Variants in FBXL4 observed in about 807,000 individuals in gnomAD.
FBXL4 encodes the protein F-box/LRR-repeat protein 4.
In FBXL4, 40 loss-of-function variants were observed where a neutral mutation model predicts 58.9. The observed-to-expected ratio is 0.68, with a 90% CI of 0.53 to 0.88. The LOEUF is 0.88. Ranked by LOEUF, FBXL4 falls within the 40% of genes least tolerant of loss-of-function variation. FBXL4 has a pLI of 0.00. For synonymous variants in FBXL4, 263 were observed against 265.5 expected, an observed-to-expected ratio of 0.99 and a Z score of 0.09; for missense variants, 676 against 734.4, an observed-to-expected ratio of 0.92 and a Z score of 0.92.
intron 7 of FBXL4, chr6:98,898,721 A>G (rs1771494675): frequency 1.0e-6 from 1 of 984,160 alleles, no homozygotes; most frequent in Admixed American, 6.1e-5. Context: ...AGATTATGGT[A>G]TAACATACAC....
At chr6:98,935,195 T>G (rs922537740) in intron 1 of FBXL4, among the ~76,000 whole-genome samples, 2 of 152,148 alleles carry the variant, frequency 1.3e-5, no homozygotes, top group Non-Finnish European at 2.9e-5. Flanking sequence ...ATATCTAAAC[T>G]TCTGAAATAT....
chr6:98,947,540 C>A (rs1043307973), intron 1 of FBXL4, among the ~76,000 whole-genome samples: 1 of 152,234 alleles, frequency 6.6e-6, no homozygotes, highest in Non-Finnish European at 1.5e-5. Flanking sequence ...CGAACGACGC[C>A]TCACAGCCTG....
At chr6:98,902,068 T>G (rs1336207669) in intron 6 of FBXL4, among the ~76,000 whole-genome samples, 1 of 152,168 alleles carries the variant, frequency 6.6e-6, no homozygotes, top group African/African-American at 2.4e-5. Context: ...AGCAATTTAC[T>G]AAATGGTAAC....
intron 6 of FBXL4, among the ~76,000 whole-genome samples, chr6:98,899,798 A>T: frequency 6.6e-6 from 1 of 152,078 alleles, no homozygotes; most frequent in Non-Finnish European, 1.5e-5. Context: ...TAAAGCCAAA[A>T]AACAAAAACA....
At chr6:98,913,283 C>T (rs559104736) in intron 5 of FBXL4, among the ~76,000 whole-genome samples, 10,663 of 151,648 alleles carry the variant, frequency 0.07, 554 homozygotes, top group East Asian at 0.27. Context: ...AGAAAGTTAA[C>T]AAGGATACCC....
chr6:98,898,554 G>A (rs1771488187), intron 7 of FBXL4: 2 of 904,662 alleles, frequency 2.2e-6, no homozygotes, highest in Non-Finnish European at 2.6e-6. Flanking sequence ...TCAGTGAGCT[G>A]AGACCATGCC....
chr6:98,947,327 C>T (rs556620810), intron 1 of FBXL4, among the ~76,000 whole-genome samples: 81 of 152,348 alleles, frequency 5.3e-4, no homozygotes, highest in Middle Eastern at 6.8e-3. Flanking sequence ...GCTGGGCACC[C>T]TGTAGCAGTC....
intron 5 of FBXL4, among the ~76,000 whole-genome samples, chr6:98,915,076 C>T (rs1465386487): frequency 1.3e-5 from 2 of 152,068 alleles, no homozygotes; most frequent in African/African-American, 4.8e-5. Flanking sequence ...ACAATTGCTT[C>T]AAAGAGAATA....
intron 1 of FBXL4, among the ~76,000 whole-genome samples, chr6:98,941,310 A>T (rs1366880268): frequency 1.3e-5 from 2 of 152,200 alleles, no homozygotes; most frequent in Non-Finnish European, 2.9e-5. Flanking sequence ...CAGAGGTCTG[A>T]TGCAAAAACT....
intron 7 of FBXL4, chr6:98,897,514 G>A (rs1242112244): frequency 4.5e-6 from 1 of 221,568 alleles, no homozygotes; most frequent in Non-Finnish European, 7.6e-6. Flanking sequence ...GTCACCTGTT[G>A]AAGCCTAGCT....
intron 2 of FBXL4, among the ~76,000 whole-genome samples, chr6:98,933,629 C>T (rs985157603): frequency 2.6e-5 from 4 of 152,156 alleles, no homozygotes; most frequent in African/African-American, 7.2e-5. Flanking sequence ...GTATTATTTG[C>T]TATTTCTTAC....
chr6:98,869,031 C>T lies in FBXL4; in HGVS notation c.*5247G>A, dbSNP rs1034158632. ...TTTGATTAAAGCAAATGACTCTTAACAGAATGTGAGCTATTGCCAAAAAAA... is the reference window on the plus strand; with the variant it reads ...TTTGATTAAAGCAAATGACTCTTAATAGAATGTGAGCTATTGCCAAAAAAA... On this transcript the variant is annotated 3_prime_UTR_variant, in exon 10 of 10. Transcript: ENST00000369244. 5.8e-4 allele frequency: 89 copies of T among 152,196 alleles called. No homozygotes were observed. The highest frequency in any genetic ancestry group is 2.0e-3 in the African/African-American group (82 of 41,534). 9.4% of individuals were successfully genotyped at this position (152,196 alleles called of 1,614,324 possible).
intron 7 of FBXL4, among the ~76,000 whole-genome samples, chr6:98,892,540 T>C (rs576677342): frequency 2.0e-4 from 30 of 152,356 alleles, no homozygotes; most frequent in Middle Eastern, 3.4e-3. Context: ...GAGACCACCA[T>C]ATACGCATGT....
intron 1 of FBXL4, among the ~76,000 whole-genome samples, chr6:98,943,316 T>C (rs1274087178): frequency 6.6e-6 from 1 of 151,348 alleles, no homozygotes; most frequent in Non-Finnish European, 1.5e-5. Flanking sequence ...CTCACACCTG[T>C]AACCCCAGCA....
intron 5 of FBXL4, among the ~76,000 whole-genome samples, chr6:98,909,353 A>G (rs968888189): frequency 6.6e-6 from 1 of 152,156 alleles, no homozygotes; most frequent in Non-Finnish European, 1.5e-5. Context: ...GCACTGAGGC[A>G]GCCCTGAGCC....
rs564683361 is a variant in FBXL4, at chr6:98,938,259, ATCCAT to A, written c.-308-3385_-308-3381del. On this transcript the variant is annotated intron_variant, in intron 1 of 9. Transcript: ENST00000369244. Reference sequence around the variant, plus strand: ...ACAGGTTCTCTCTGTTGAGGTTCTCATCCATAGAGTTCACAGTTCTTTCCATAGAG... The same window carrying A: ...ACAGGTTCTCTCTGTTGAGGTTCTCAAGAGTTCACAGTTCTTTCCATAGAG... Among the ~76,000 whole-genome samples the A allele has an allele frequency of 1.1e-4, 16 of 152,234 alleles. 1 individual carries two copies. The East Asian group carries it at 3.1e-3, about 29-fold the overall frequency.
chr6:98,908,569 G>A (rs762518869), intron 5 of FBXL4, among the ~76,000 whole-genome samples: 1 of 152,088 alleles, frequency 6.6e-6, no homozygotes, highest in Non-Finnish European at 1.5e-5. Context: ...TGCAAGTGGA[G>A]AATTGCCATT....
chr6:98,896,907 T>A (rs1440790129), intron 7 of FBXL4: 3 of 984,920 alleles, frequency 3.0e-6, no homozygotes, highest in Non-Finnish European at 3.6e-6. Flanking sequence ...AAAAATTTGG[T>A]CATATCTATC....
chr6:98,870,315 G>GT lies in FBXL4; in HGVS notation c.*3962dup, dbSNP rs1452612549. On this transcript the variant is annotated 3_prime_UTR_variant, in exon 10 of 10. Coordinates refer to ENST00000369244, the MANE Select transcript of FBXL4 (RefSeq NM_001278716.2). ...CAAATCCAGCCAGCTCATAAGAACA[G>GT]TTTCACATTTTCTAATGGCTGAAAA... 4.6e-5 allele frequency: 7 copies of GT among 152,140 alleles called. No homozygotes were observed. Among genetic ancestry groups the GT allele is most frequent in the African/African-American group, 1.7e-4 (7 of 41,422 alleles). 9.4% of individuals were successfully genotyped at this position (152,140 alleles called of 1,614,324 possible).
Sources: allele counts gnomAD v4.1 joint callset (sites outside exome capture counted in the v4.1 genomes callset), GRCh38; gene constraint gnomAD v4.1.1; transcripts MANE v1.5; gene names NCBI Gene and HGNC (gene_info 2026-07-23, HGNC 2026-07-21).